The following ESPNL variants were observed in gnomAD, a reference collection of about 807,000 sequenced individuals.
The protein encoded by ESPNL is espin-like protein.
ESPNL carries 49 observed loss-of-function variants against 46.8 expected under a neutral mutation model. The ratio of observed to expected loss-of-function variants is 1.05; its 90% CI spans 0.83 to 1.33. The LOEUF (loss-of-function observed/expected upper bound fraction) is 1.33, where lower values mean the gene tolerates loss of function less well. Ranked by LOEUF, ESPNL falls within the 40% of genes most tolerant of loss-of-function variation. The pLI is 0.00. For missense variants in ESPNL, 1,540 were observed against 1,436.6 expected (o/e 1.07, Z -1.16); for synonymous variants, 664 against 662.1 (o/e 1.00, Z -0.04).
intron 5 of ESPNL, among the ~76,000 whole-genome samples, chr2:238,121,771 G>A (rs1691992646): frequency 6.6e-6 from 1 of 152,224 alleles, no homozygotes; most frequent in Non-Finnish European, 1.5e-5. Context: ...TGGGCCCTCC[G>A]GACAGGTGTA....
intron 1 of ESPNL, among the ~76,000 whole-genome samples, chr2:238,101,286 C>T (rs1054101343): frequency 6.7e-6 from 1 of 150,362 alleles, no homozygotes; most frequent in East Asian, 2.0e-4. Context: ...CGCCGCCGCC[C>T]AGAGGTCAGA....
chr2:238,116,945 C>T lies in ESPNL; in HGVS notation c.898C>T (p.Arg300Trp), dbSNP rs749310509. ...CTCCCACCACGTGGACCCCTCCCTG[C>T]GGGATGAAGATGGTTACACGGCGGC... ...LVSHHVDPSL[R>W]DEDGYTAADL... Residue 300 changes from arginine to tryptophan, a missense_variant, in exon 5 of 9, where the codon CGG (arginine) becomes TGG (tryptophan). Arg to Trp is a moderately radical substitution (Grantham distance 101). Transcript: ENST00000343063. 52 of 1,612,546 alleles carry T rather than the reference C, an allele frequency of 3.2e-5. No homozygotes were observed. Among genetic ancestry groups the T allele is most frequent in the South Asian group, 1.3e-4 (12 of 91,094 alleles).
Position 238,131,430 on chromosome 2 carries a change from G to C in ESPNL, c.2716G>C (p.Asp906His). ...AVRAFHKAVT[D>H]EVAAGRRAWT... ...GCGCGCCTTCCACAAGGCCGTGACCGACGAGGTGGCCGCCGGCCGCCGGGC... is the reference window on the plus strand; with the variant it reads ...GCGCGCCTTCCACAAGGCCGTGACCCACGAGGTGGCCGCCGGCCGCCGGGC... Residue 906 changes from aspartate (D) to histidine (H), a missense_variant, in exon 9 of 9, where the codon GAC (aspartate) becomes CAC (histidine). Coordinates refer to ENST00000343063, the MANE Select transcript of ESPNL (RefSeq NM_194312.4). The C allele has an allele frequency of 6.2e-7, 1 of 1,608,818 alleles. No individual in the cohort carries two copies. Among genetic ancestry groups the C allele is most frequent in the Non-Finnish European group, 8.5e-7 (1 of 1,178,046 alleles).
intron 5 of ESPNL, among the ~76,000 whole-genome samples, chr2:238,124,024 G>A (rs1487176154): frequency 6.6e-6 from 1 of 152,350 alleles, no homozygotes; most frequent in African/African-American, 2.4e-5. Context: ...ACTGCAGTCC[G>A]GCCCCGGTGC....
rs1406092594 is a variant in ESPNL, at chr2:238,102,040, C to T, written c.394C>T (p.Leu132=). The T allele has an allele frequency of 6.2e-7, 1 of 1,604,320 alleles. No homozygotes were observed. Among genetic ancestry groups the T allele is most frequent in the African/African-American group, 1.3e-5 (1 of 74,734 alleles). Residue 132 remains leucine (L), a synonymous_variant, in exon 2 of 9, where the codon CTA becomes TTA. Transcript: ENST00000343063. ...WLLHEGHSAT[L]ETREGARPLH... ...GCTCCACGAGGGCCACTCGGCCACG[C>T]TAGAGACCCGGGAGGGAGCCCGGCC...
intron 7 of ESPNL, 49 bp from the exon 8 acceptor site, chr2:238,128,658 A>G (rs772507093): frequency 2.0e-6 from 3 of 1,530,004 alleles, no homozygotes; most frequent in South Asian, 2.4e-5. Flanking sequence ...CCCTCCACTC[A>G]GGGCCTGGGT....
chr2:238,127,700 C>G lies in ESPNL; in HGVS notation c.1181C>G (p.Pro394Arg), dbSNP rs774895240. 2 of 1,612,414 alleles carry G rather than the reference C, an allele frequency of 1.2e-6. No homozygotes were observed. The highest frequency in any genetic ancestry group is 2.2e-5 in the South Asian group (2 of 90,640). ...GAGCAGATGACCAGCCCGGCCCCTCCGAGGATCATCACCAGTGCCACGGCT... is the reference window on the plus strand; with the variant it reads ...GAGCAGATGACCAGCCCGGCCCCTCGGAGGATCATCACCAGTGCCACGGCT... ...PREQMTSPAP[P>R]RIITSATADP... Residue 394 changes from proline to arginine, a missense_variant, in exon 7 of 9, where the codon CCG (proline) becomes CGG (arginine). Pro to Arg is a moderately radical substitution (Grantham distance 103, BLOSUM62 -2). Coordinates refer to ENST00000343063, the MANE Select transcript of ESPNL (RefSeq NM_194312.4).
Position 238,131,238 on chromosome 2 carries a change from C to T in ESPNL, c.2524C>T (p.His842Tyr). ...GALSPEQFLP[H>Y]VDGAPVPYSS... The stretch of plus-strand genomic sequence containing the variant: ...TTTGTCCCCCGAGCAGTTCCTGCCC[C>T]ACGTGGACGGGGCTCCGGTGCCCTA... The change falls in exon 9 of 9, where the codon CAC becomes TAC. Residue 842 changes from histidine to tyrosine, a missense_variant. Coordinates refer to ENST00000343063, the MANE Select transcript of ESPNL (RefSeq NM_194312.4). 6.4e-7 allele frequency: 1 copy of T among 1,563,262 alleles called. No individual in the cohort carries two copies. The highest frequency in any genetic ancestry group is 8.6e-7 in the Non-Finnish European group (1 of 1,157,174).
At chr2:238,106,122 G>T (rs1691593369) in intron 3 of ESPNL, among the ~76,000 whole-genome samples, 1 of 152,224 alleles carries the variant, frequency 6.6e-6, no homozygotes, top group South Asian at 2.1e-4. Context: ...CTTGGTGGTG[G>T]TTTCCACCAG....
chr2:238,103,422 A>G (rs1321216408), intron 2 of ESPNL, among the ~76,000 whole-genome samples: 4 of 137,512 alleles, frequency 2.9e-5, no homozygotes, highest in African/African-American at 9.8e-5. Context: ...GAGCAAGACC[A>G]TGTCTCAAAA....
intron 1 of ESPNL, among the ~76,000 whole-genome samples, 198 bp downstream of exon 1, chr2:238,100,911 C>A (rs1157146592): frequency 7.9e-5 from 12 of 152,230 alleles, no homozygotes; most frequent in African/African-American, 2.7e-4. Flanking sequence ...GCCAAGAACA[C>A]CTCCTAAATT....
At chr2:238,128,353 G>A (rs371597189) in intron 7 of ESPNL, among the ~76,000 whole-genome samples, 1 of 152,236 alleles carries the variant, frequency 6.6e-6, no homozygotes, top group Admixed American at 6.5e-5. Flanking sequence ...TGGCTGCCAG[G>A]CTTTGTCTAT....
At chr2:238,117,177 A>C (rs1390223896) in intron 5 of ESPNL, 143 bp downstream of exon 5, 1 of 1,213,526 alleles carries the variant, frequency 8.2e-7, no homozygotes, top group African/African-American at 1.5e-5. Context: ...GCCAGGAGCA[A>C]GGGCCTGGGC....
chr2:238,128,151 A>G (rs555808444), intron 7 of ESPNL, among the ~76,000 whole-genome samples: 1 of 151,070 alleles, frequency 6.6e-6, no homozygotes, highest in South Asian at 2.1e-4. Context: ...GCTCCCCCTT[A>G]CTCTCCCTTT....
Position 238,130,858 on chromosome 2 carries a change from G to A in ESPNL, c.2144G>A (p.Gly715Asp), listed in dbSNP as rs1344724267. Residue 715 changes from glycine to aspartate, a missense_variant, in exon 9 of 9, where the codon GGC (glycine) becomes GAC (aspartate). By Grantham distance (94) the Gly-to-Asp change is moderately conservative (BLOSUM62 -1). Coordinates refer to ENST00000343063, the MANE Select transcript of ESPNL (RefSeq NM_194312.4). ...PGDTEEASDSGISCEEVPSEA... is the reference protein window; with the variant it reads ...PGDTEEASDSDISCEEVPSEA... ...GACACAGAGGAGGCCAGCGACTCTG[G>A]CATCAGCTGCGAGGAGGTGCCATCA... is the stretch of plus-strand genomic sequence containing the variant. 1.3e-6 allele frequency: 2 copies of A among 1,554,008 alleles called. No individual in the cohort carries two copies. Among genetic ancestry groups the A allele is most frequent in the Admixed American group, 3.8e-5 (2 of 52,250 alleles).
chr2:238,107,555 T>C (rs897569617), intron 3 of ESPNL, among the ~76,000 whole-genome samples: 2 of 151,938 alleles, frequency 1.3e-5, no homozygotes, highest in Non-Finnish European at 2.9e-5. Context: ...GACCATGGTG[T>C]CTGCAAATTA....
Position 238,127,662 on chromosome 2 carries a change from G to C in ESPNL, c.1143G>C (p.Gln381His). The change falls in exon 7 of 9, where the codon CAG becomes CAC. Residue 381 changes from glutamine to histidine, a missense_variant. Physicochemically the swap from Gln to His is conservative, Grantham distance 24. Transcript: ENST00000343063. ...LSPAWPGHPD[Q>H]PLPREQMTSP... Reference sequence around the variant, plus strand: ...CGGCCTGGCCTGGCCATCCTGACCAGCCTCTTCCCAGGGAGCAGATGACCA... The same window carrying C: ...CGGCCTGGCCTGGCCATCCTGACCACCCTCTTCCCAGGGAGCAGATGACCA... 1 of 1,612,634 alleles carries C rather than the reference G, an allele frequency of 6.2e-7. No individual in the cohort carries two copies. Among genetic ancestry groups the C allele is most frequent in the Middle Eastern group, 1.7e-4 (1 of 6,056 alleles).
intron 6 of ESPNL, among the ~76,000 whole-genome samples, chr2:238,126,130 CTG>C (rs903697572): frequency 3.6e-4 from 53 of 148,780 alleles, no homozygotes; most frequent in Admixed American, 1.1e-3. Flanking sequence ...TTGATTGTGT[CTG>C]TGTCTGTGTG....
intron 4 of ESPNL, among the ~76,000 whole-genome samples, chr2:238,113,036 T>C (rs967809053): frequency 6.6e-6 from 1 of 152,264 alleles, no homozygotes; most frequent in South Asian, 2.1e-4. Context: ...GGATTTCAAG[T>C]GGATCGAGAG....
Sources: gnomAD v4.1 joint callset for allele counts (sites outside exome capture counted in the v4.1 genomes callset) on GRCh38, gnomAD v4.1.1 for gene constraint, MANE v1.5 for transcripts, NCBI Gene and HGNC (gene_info 2026-07-23, HGNC 2026-07-21) for gene names.